The following GAS7 variants were observed in gnomAD, a reference collection of about 807,000 sequenced individuals.
GAS7 encodes growth arrest-specific protein 7.
Under a neutral mutation model 71.1 loss-of-function variants are expected in GAS7, and 28 were observed. That is an observed-to-expected ratio of 0.39 (90% CI 0.29 to 0.54). The LOEUF (loss-of-function observed/expected upper bound fraction) is 0.54, where lower values mean the gene tolerates loss of function less well. Ranked by LOEUF, GAS7 falls within the 20% of genes least tolerant of loss-of-function variation. The pLI, the probability that GAS7 is intolerant of heterozygous loss-of-function variation, is 0.62. For missense variants in GAS7, 436 were observed against 627.8 expected, an observed-to-expected ratio of 0.69 and a Z score of 3.27; for synonymous variants, 258 against 245.8, an observed-to-expected ratio of 1.05 and a Z score of -0.46.
chr17:10,170,321 C>A (rs2074327013), intron 1 of GAS7, among the ~76,000 whole-genome samples: 1 of 152,056 alleles, frequency 6.6e-6, no homozygotes, highest in African/African-American at 2.4e-5. Flanking sequence ...CCCCACCCAC[C>A]CCTCAGTCTG....
At chr17:10,025,197 G>C (rs2072419820) in intron 1 of GAS7, among the ~76,000 whole-genome samples, 1 of 152,124 alleles carries the variant, frequency 6.6e-6, no homozygotes, top group African/African-American at 2.4e-5. Flanking sequence ...GAGGCCAGGA[G>C]TTCAAGGGCA....
chr17:10,173,032 G>A lies in GAS7; in HGVS notation c.183+25176C>T, dbSNP rs181545669. Among the ~76,000 whole-genome samples the A allele has an allele frequency of 2.3e-3, 355 of 152,262 alleles. 1 individual carries two copies. The highest frequency in any genetic ancestry group is 7.5e-3 in the South Asian group (36 of 4,828). ...ATGAAGTACTGATACACGTCACTAC[G>A]CAAATGAACCCTGAAGACATCATGT... On this transcript the variant is annotated intron_variant, in intron 1 of 13. Transcript: ENST00000432992.
intron 2 of GAS7, among the ~76,000 whole-genome samples, chr17:10,009,102 C>T (rs932632602): frequency 3.0e-4 from 46 of 151,794 alleles, no homozygotes; most frequent in Non-Finnish European, 6.3e-4. Context: ...GGGCGGATCA[C>T]GAGGTCAGGA....
rs936208406 is a variant in GAS7 at position 9,957,578 on chromosome 17, C to T, written c.525+1624G>A. On this transcript the variant is annotated intron_variant, in intron 5 of 13. Transcript: ENST00000432992. Reference sequence around the variant, plus strand: ...CAAATATGTCTCCCACTCCGACCTCCCCCCCTTTCTCCTCCCCCTCCTTTT... The same window carrying T: ...CAAATATGTCTCCCACTCCGACCTCTCCCCCTTTCTCCTCCCCCTCCTTTT... Among the ~76,000 whole-genome samples the T allele has an allele frequency of 2.7e-5, 4 of 149,942 alleles. No individual in the cohort carries two copies. In the East Asian group the frequency reaches 6.0e-4, roughly 22 times the overall value.
chr17:10,178,733 T>TTTTTTG (rs2074392227), intron 1 of GAS7, among the ~76,000 whole-genome samples: 2 of 124,904 alleles, frequency 1.6e-5, no homozygotes, highest in African/African-American at 3.2e-5. Flanking sequence ...TTTTTTTTTT[T>TTTTTTG]GCTGATGAGC....
chr17:9,926,853 C>T lies in GAS7; in HGVS notation c.886-84G>A, dbSNP rs1191488644. 1 of 1,470,132 alleles carries T rather than the reference C, an allele frequency of 6.8e-7. No individual in the cohort carries two copies. Among genetic ancestry groups the T allele is most frequent in the South Asian group, 1.1e-5 (1 of 87,530 alleles). The allele number at this position is 1,470,132 out of a possible 1,614,324, so 91.1% of individuals were successfully genotyped here. On this transcript the variant is annotated intron_variant, in intron 9 of 13. Coordinates refer to ENST00000432992, the MANE Select transcript of GAS7 (RefSeq NM_201433.2). This position sits in a 1 kb window ranked among gnomAD's most constrained non-coding sequence, Gnocchi z 5.0. ...AGGGAGGAGGGATGGGAGGGGCACC[C>T]CCACTTCCCCAGGCAAGTGAGGATG...
intron 1 of GAS7, among the ~76,000 whole-genome samples, chr17:10,195,091 G>T (rs935126171): frequency 6.6e-6 from 1 of 152,066 alleles, no homozygotes; most frequent in African/African-American, 2.4e-5. Context: ...GGGCCTACCA[G>T]AGACCTCTAC....
At chr17:10,056,955 G>A (rs1397335017) in intron 1 of GAS7, among the ~76,000 whole-genome samples, 1 of 151,866 alleles carries the variant, frequency 6.6e-6, no homozygotes. Flanking sequence ...ACGCCTGACT[G>A]GTTTTCATAT....
intron 9 of GAS7, among the ~76,000 whole-genome samples, chr17:9,929,818 A>T (rs11652754): frequency 0.35 from 53,056 of 151,820 alleles, 9,723 homozygotes; most frequent in Non-Finnish European, 0.42. Context: ...TTTCCTTTAA[A>T]ATGGTTAGGC....
chr17:9,940,989 C>T (rs1053369844), intron 7 of GAS7, among the ~76,000 whole-genome samples: 1 of 152,220 alleles, frequency 6.6e-6, no homozygotes, highest in African/African-American at 2.4e-5. Context: ...CGGAGAGCCC[C>T]TGGTCCACCA....
In GAS7 at chr17:10,046,839, AGG is replaced by A. The variant is rs1347199955; in HGVS notation, c.184-26944_184-26943del. Among the ~76,000 whole-genome samples the A allele has an allele frequency of 2.5e-3, 330 of 134,518 alleles. 22 individuals carry two copies. The highest frequency in any genetic ancestry group is 3.8e-3 in the African/African-American group (109 of 28,758). 88.2% of individuals were successfully genotyped at this position (134,518 alleles called of 152,430 possible). ...AAGGAAGGAAGGAAGGAAGGAAGGA[AGG>A]AAGGAAAGAAAAGAAAAGAAAAAAG... On this transcript the variant is annotated intron_variant, in intron 1 of 13. Transcript: ENST00000432992.
intron 8 of GAS7, among the ~76,000 whole-genome samples, chr17:9,937,329 A>G (rs1031027063): frequency 6.6e-6 from 1 of 152,352 alleles, no homozygotes; most frequent in Admixed American, 6.5e-5. Context: ...CATGTTGGCC[A>G]GGACACAGTG....
chr17:10,006,316 C>CTTT (rs1168698479), intron 2 of GAS7, among the ~76,000 whole-genome samples: 759 of 65,646 alleles, frequency 0.012, 76 homozygotes, highest in East Asian at 0.018. Flanking sequence ...GCCCCAGATT[C>CTTT]TTTTTTTTTT....
chr17:10,043,739 T>TGAGA (rs1159175738), intron 1 of GAS7, among the ~76,000 whole-genome samples: 1 of 151,918 alleles, frequency 6.6e-6, no homozygotes, highest in East Asian at 1.9e-4. Flanking sequence ...GTCTGGTGAG[T>TGAGA]GAGAGCCCAT....
In GAS7 at chr17:9,980,576, T is replaced by C. The variant is rs563341088; in HGVS notation, c.385+1228A>G. Among the ~76,000 whole-genome samples the C allele has an allele frequency of 3.0e-3, 460 of 152,348 alleles. 2 individuals are homozygous for C. The highest frequency in any genetic ancestry group is 6.8e-3 in the Middle Eastern group (2 of 294). ...CACAACTTTGACTTTCATGCTTTGCTGCCAGATTGACTCCTGAAGTCGAAA... is the reference window on the plus strand; with the variant it reads ...CACAACTTTGACTTTCATGCTTTGCCGCCAGATTGACTCCTGAAGTCGAAA... On this transcript the variant is annotated intron_variant, in intron 3 of 13. Transcript: ENST00000432992.
chr17:9,935,798 G>C (rs1315054416), intron 8 of GAS7, among the ~76,000 whole-genome samples: 3 of 152,242 alleles, frequency 2.0e-5, no homozygotes, highest in Non-Finnish European at 4.4e-5. Flanking sequence ...ACTGGAGTAT[G>C]AAACGGGGCA....
chr17:9,989,093 T>C (rs1026934975), intron 2 of GAS7, among the ~76,000 whole-genome samples: 1 of 151,980 alleles, frequency 6.6e-6, no homozygotes, highest in Non-Finnish European at 1.5e-5. Context: ...TCATGATCCG[T>C]CTGTCTCAGC....
chr17:9,920,200 T>TGTGC (rs2067756338), intron 11 of GAS7, among the ~76,000 whole-genome samples: 1 of 152,174 alleles, frequency 6.6e-6, no homozygotes, highest in African/African-American at 2.4e-5. Context: ...TGTGTGTGTG[T>TGTGC]GTGCATGAAC....
chr17:9,988,642 G>A (rs976805908), intron 2 of GAS7, among the ~76,000 whole-genome samples: 17 of 152,102 alleles, frequency 1.1e-4, no homozygotes, highest in Admixed American at 7.9e-4. Flanking sequence ...AGCAGAGATC[G>A]CGTCGTTGCA....
Sources: allele counts gnomAD v4.1 joint callset (sites outside exome capture counted in the v4.1 genomes callset), GRCh38; gene constraint gnomAD v4.1.1; non-coding constraint Gnocchi (gnomAD v3.1); transcripts MANE v1.5; gene names NCBI Gene and HGNC (gene_info 2026-07-23, HGNC 2026-07-21).